The following FAM89A variants were observed in gnomAD, a reference collection of about 807,000 sequenced individuals.
The protein encoded by FAM89A is protein FAM89A.
FAM89A carries 10 observed loss-of-function variants against 7.1 expected under a neutral mutation model. That is an observed-to-expected ratio of 1.40 (90% CI 0.86 to 2.38). The LOEUF (loss-of-function observed/expected upper bound fraction) is 2.38. FAM89A is among the 30% of genes most tolerant of loss of function. The pLI is 0.00. For synonymous variants in FAM89A, 157 were observed against 129.3 expected, an observed-to-expected ratio of 1.21 and a Z score of -1.45; for missense variants, 276 against 262.8, an observed-to-expected ratio of 1.05 and a Z score of -0.35.
Position 231,019,768 on chromosome 1 carries a change from A to C in FAM89A, c.*95T>G, listed in dbSNP as rs1558253002. 1 of 1,427,140 alleles carries C rather than the reference A, an allele frequency of 7.0e-7. No homozygotes were observed. Among genetic ancestry groups the C allele is most frequent in the Non-Finnish European group, 9.5e-7 (1 of 1,048,204 alleles). The allele number at this position is 1,427,140 out of a possible 1,614,324, so 88.4% of individuals were successfully genotyped here. A position where few individuals can be genotyped will look rare whatever the true frequency, so the allele number is the denominator to read the frequency against. ...CATCCCCTGTGCCCGAGGACCGTCC[A>C]CAACGGAGGTGCTTTCTTGCAAGAG... On this transcript the variant is annotated 3_prime_UTR_variant, in exon 2 of 2. Coordinates refer to ENST00000366654, the MANE Select transcript of FAM89A (RefSeq NM_198552.3).
chr1:231,020,067 C>T lies in FAM89A; in HGVS notation c.351G>A (p.Ser117=), dbSNP rs746387955. The T allele has an allele frequency of 8.7e-6, 14 of 1,613,924 alleles. No individual in the cohort carries two copies. The highest frequency in any genetic ancestry group is 1.6e-4 in the Middle Eastern group (1 of 6,084). ...LLCQLYSLYE[S]IQEYKGACQA... ...GGCATGCCCCCTTGTACTCCTGAATCGACTCGTAGAGGCTGTACAGTTGGC... is the reference window on the plus strand; with the variant it reads ...GGCATGCCCCCTTGTACTCCTGAATTGACTCGTAGAGGCTGTACAGTTGGC... Residue 117 remains serine, a synonymous_variant, in exon 2 of 2, where the codon TCG becomes TCA. Transcript: ENST00000366654.
chr1:231,040,195 GCCCGGGCCCCAC>G lies in FAM89A; in HGVS notation c.5_16del (p.Ser2_Ala6delinsThr), dbSNP rs1207646761. On this transcript the variant is annotated inframe_deletion, in exon 1 of 2. Coordinates refer to ENST00000366654, the MANE Select transcript of FAM89A (RefSeq NM_198552.3). The stretch of plus-strand genomic sequence containing the variant: ...GCCGTTGCCCGCGGCCCCGGGCGCC[GCCCGGGCCCCAC>G]TCATCGCGCCGCGGCCCGGCCACGC... 2.4e-5 allele frequency: 26 copies of G among 1,101,788 alleles called. No individual in the cohort carries two copies. In the East Asian group the frequency reaches 5.2e-4, roughly 22 times the overall value. 68.3% of individuals were successfully genotyped at this position (1,101,788 alleles called of 1,614,324 possible).
chr1:231,030,363 G>C (rs1475413628), intron 1 of FAM89A, among the ~76,000 whole-genome samples: 5 of 152,136 alleles, frequency 3.3e-5, no homozygotes, highest in Non-Finnish European at 2.9e-5. Flanking sequence ...TCCTCTACCA[G>C]GTAAAGCTGT....
At chr1:231,032,366 A>ACCCCCCCCCCCCCCCCCCCC (rs1680088163) in intron 1 of FAM89A, among the ~76,000 whole-genome samples, 1 of 100,234 alleles carries the variant, frequency 1.0e-5, no homozygotes, top group African/African-American at 3.6e-5. Flanking sequence ...ACACCGCCCC[A>ACCCCCCCCCCCCCCCCCCCC]CCCCACCCCG....
In FAM89A at chr1:231,020,092, C is replaced by T; in HGVS notation, c.326G>A (p.Cys109Tyr). ...CGACTCGTAGAGGCTGTACAGTTGG[C>T]AGAGCAAGGACATGTCCAGCTGGCG... Reference protein sequence around the residue: ...GLRQLDMSLLCQLYSLYESIQ... With the variant: ...GLRQLDMSLLYQLYSLYESIQ... Residue 109 changes from cysteine to tyrosine, a missense_variant, in exon 2 of 2, where the codon TGC becomes TAC. Transcript: ENST00000366654. 6.2e-7 allele frequency: 1 copy of T among 1,613,552 alleles called. No homozygotes were observed. Among genetic ancestry groups the T allele is most frequent in the Non-Finnish European group, 8.5e-7 (1 of 1,179,724 alleles).
intron 1 of FAM89A, among the ~76,000 whole-genome samples, chr1:231,021,309 C>T (rs1679872886): frequency 6.6e-6 from 1 of 152,220 alleles, no homozygotes; most frequent in Admixed American, 6.5e-5. Flanking sequence ...AATTCAATAT[C>T]AATCCACTCA....
intron 1 of FAM89A, chr1:231,026,277 TG>T (rs970706056): frequency 3.3e-5 from 5 of 153,060 alleles, no homozygotes; most frequent in African/African-American, 7.2e-5. Flanking sequence ...AGGAACCAGA[TG>T]GTCACCTTCG....
chr1:231,035,132 A>G (rs1680139000), intron 1 of FAM89A, among the ~76,000 whole-genome samples: 1 of 152,144 alleles, frequency 6.6e-6, no homozygotes, highest in African/African-American at 2.4e-5. Flanking sequence ...TAAGGACTGT[A>G]CTCCACTGGG....
intron 1 of FAM89A, among the ~76,000 whole-genome samples, chr1:231,025,744 A>G (rs1236878632): frequency 6.6e-6 from 1 of 152,034 alleles, no homozygotes; most frequent in Non-Finnish European, 1.5e-5. Context: ...GAAGGAAGAA[A>G]GGAAGGAAGG....
intron 1 of FAM89A, among the ~76,000 whole-genome samples, chr1:231,031,998 C>T (rs1012605809): frequency 2.6e-5 from 4 of 152,118 alleles, no homozygotes; most frequent in African/African-American, 4.8e-5. Context: ...TCCCCAACCC[C>T]GGGCCTCAAG....
chr1:231,023,488 C>A (rs1679914846), intron 1 of FAM89A, among the ~76,000 whole-genome samples: 2 of 152,202 alleles, frequency 1.3e-5, no homozygotes, highest in African/African-American at 4.8e-5. Context: ...TCAAGCAAAA[C>A]AAACAGCCTT....
intron 1 of FAM89A, among the ~76,000 whole-genome samples, chr1:231,035,562 T>C (rs991374702): frequency 2.0e-5 from 3 of 152,170 alleles, no homozygotes; most frequent in Non-Finnish European, 4.4e-5. Flanking sequence ...GTTGATGATC[T>C]AACCTCGCAC....
intron 1 of FAM89A, chr1:231,021,512 C>A: frequency 1.5e-6 from 1 of 689,374 alleles, no homozygotes. Flanking sequence ...AGATGATTAA[C>A]CAGAGGGCAC....
At chr1:231,039,713 C>T (rs1572360030) in intron 1 of FAM89A, among the ~76,000 whole-genome samples, 1 of 152,234 alleles carries the variant, frequency 6.6e-6, no homozygotes, top group East Asian at 1.9e-4. Context: ...CCTCTGCGCG[C>T]GGGGCTCTCC....
intron 1 of FAM89A, among the ~76,000 whole-genome samples, chr1:231,033,528 G>C (rs781592618): frequency 6.6e-6 from 1 of 152,176 alleles, no homozygotes; most frequent in Non-Finnish European, 1.5e-5. Flanking sequence ...ATGTCGGTGA[G>C]ACCAGGACCC....
chr1:231,023,023 A>G (rs1009034219), intron 1 of FAM89A, among the ~76,000 whole-genome samples: 5 of 152,160 alleles, frequency 3.3e-5, no homozygotes, highest in African/African-American at 1.2e-4. Context: ...GATAAAATCC[A>G]TCCGGTGTTT....
At chr1:231,030,767 G>T (rs1246656575) in intron 1 of FAM89A, among the ~76,000 whole-genome samples, 1 of 151,988 alleles carries the variant, frequency 6.6e-6, no homozygotes, top group African/African-American at 2.4e-5. Context: ...GGTTTATGTG[G>T]GTTATACCTA....
intron 1 of FAM89A, chr1:231,021,972 C>T: frequency 7.4e-7 from 1 of 1,352,254 alleles, no homozygotes. Context: ...GATGAGGGCG[C>T]TATAGGCCTC....
chr1:231,022,119 C>T (rs1392147830), intron 1 of FAM89A: 21 of 1,275,642 alleles, frequency 1.6e-5, no homozygotes, highest in Non-Finnish European at 2.0e-5. Context: ...CTGAAGAACG[C>T]TAATACTTGC....
Sources: allele counts gnomAD v4.1 joint callset (sites outside exome capture counted in the v4.1 genomes callset), GRCh38; gene constraint gnomAD v4.1.1; transcripts MANE v1.5; gene names NCBI Gene and HGNC (gene_info 2026-07-23, HGNC 2026-07-21).